RAB33B: variants seen among roughly 807,000 people sequenced by gnomAD.
RAB33B encodes the protein RAB33B, member RAS oncogene family, also known as ras-related protein Rab-33B.
A neutral mutation model predicts 15.0 loss-of-function variants in RAB33B; 6 were observed. The observed-to-expected ratio is 0.40, with a 90% CI of 0.22 to 0.79. The LOEUF (loss-of-function observed/expected upper bound fraction) is 0.79. Among genes scored for constraint, RAB33B ranks in the 30% least tolerant of loss-of-function variants. The pLI is 0.37. For synonymous variants in RAB33B, 117 were observed against 108.3 expected, an observed-to-expected ratio of 1.08 and a Z score of -0.50; for missense variants, 257 against 296.4, an observed-to-expected ratio of 0.87 and a Z score of 0.98.
the RAB33B span, among the ~76,000 whole-genome samples, chr4:139,441,148 C>T: frequency 6.6e-6 from 1 of 152,180 alleles, no homozygotes; most frequent in African/African-American, 2.4e-5. Context: ...TGTTCTATAG[C>T]AGCTGAGCAG....
chr4:139,462,329 A>G (rs1470230892), intron 1 of RAB33B, among the ~76,000 whole-genome samples: 1 of 152,192 alleles, frequency 6.6e-6, no homozygotes, highest in African/African-American at 2.4e-5. Context: ...CTGGGATTAC[A>G]GGCGTGAGCC....
Position 139,467,304 on chromosome 4 carries a change from G to A in RAB33B, c.250-5382G>A, listed in dbSNP as rs893250759. Among the ~76,000 whole-genome samples, 11 of 75,290 alleles carry A rather than the reference G, an allele frequency of 1.5e-4. No individual in the cohort carries two copies. In the East Asian group the frequency reaches 2.5e-3, roughly 17 times the overall value. 49.4% of individuals were successfully genotyped at this position (75,290 alleles called of 152,430 possible). On this transcript the variant is annotated intron_variant, in intron 1 of 1. Transcript: ENST00000305626. ...CACCTCTTTCCCCACCACGCCCCCC[G>A]CCGCTTTTTTTTTTTTTTTTTTTTT...
In RAB33B at chr4:139,454,445, G is replaced by A; in HGVS notation, c.249+1G>A. 6.2e-7 allele frequency: 1 copy of A among 1,606,770 alleles called. No individual in the cohort carries two copies. Among genetic ancestry groups the A allele is most frequent in the Admixed American group, 1.7e-5 (1 of 59,998 alleles). ...GGAGATTGATGGGGAGCGCATCAAG[G>A]TGAGCGGATGGGGAACTGTTGGGGA... On this transcript the variant is annotated splice_donor_variant, in intron 1 of 1. Transcript: ENST00000305626. LOFTEE classifies it high-confidence loss of function.
At chr4:139,456,033 GTC>G (rs1750062594) in intron 1 of RAB33B, among the ~76,000 whole-genome samples, 1 of 152,196 alleles carries the variant, frequency 6.6e-6, no homozygotes, top group Non-Finnish European at 1.5e-5. Context: ...ACCTCTCAGA[GTC>G]TGTATTTTTC....
intron 1 of RAB33B, among the ~76,000 whole-genome samples, chr4:139,462,645 T>G (rs1750195885): frequency 6.6e-6 from 1 of 152,206 alleles, no homozygotes; most frequent in African/African-American, 2.4e-5. Flanking sequence ...CTTTGCTTTT[T>G]GTATGTGGAG....
intron 1 of RAB33B, among the ~76,000 whole-genome samples, chr4:139,466,577 CTTTT>C (rs1750289408): frequency 2.6e-5 from 4 of 151,016 alleles, no homozygotes; most frequent in Admixed American, 1.3e-4. Flanking sequence ...CTTTTCTTTT[CTTTT>C]TTCTTTTTTT....
the RAB33B span, among the ~76,000 whole-genome samples, chr4:139,439,248 C>T: frequency 8.8e-3 from 1,339 of 152,310 alleles, 14 homozygotes; most frequent in African/African-American, 0.031. Flanking sequence ...GATCCGCCCG[C>T]CTCGGCCTCC....
At position 139,475,233 on chromosome 4, in the gene RAB33B, T is replaced by C. The variant is rs530459089; in HGVS notation, c.*2107T>C. On this transcript the variant is annotated 3_prime_UTR_variant, in exon 2 of 2. Coordinates refer to ENST00000305626, the MANE Select transcript of RAB33B (RefSeq NM_031296.3). ...CTATGATGGGTGTAACAACATTTTT[T>C]TAAAGAAGGGAATCTGTTTATCGCT... is the stretch of plus-strand genomic sequence containing the variant. 22 of 152,208 alleles carry C rather than the reference T, an allele frequency of 1.4e-4. No individual in the cohort carries two copies. Among genetic ancestry groups the C allele is most frequent in the African/African-American group, 5.1e-4 (21 of 41,580 alleles). 9.4% of individuals were successfully genotyped at this position (152,208 alleles called of 1,614,324 possible). A position where few individuals can be genotyped will look rare whatever the true frequency, so the allele number is the denominator to read the frequency against.
chr4:139,451,492 A>G (rs972989143), upstream of RAB33B: 1 of 149,190 alleles, frequency 6.7e-6, no homozygotes, highest in Non-Finnish European at 1.5e-5. Flanking sequence ...CTCCCACCTC[A>G]GCCTCCCGAG....
chr4:139,461,418 T>C (rs1477031920), intron 1 of RAB33B, among the ~76,000 whole-genome samples: 1 of 152,218 alleles, frequency 6.6e-6, no homozygotes, highest in Non-Finnish European at 1.5e-5. Flanking sequence ...TTTTGTGGCC[T>C]TGGGTGAATT....
At chr4:139,447,958 C>T in the RAB33B span, among the ~76,000 whole-genome samples, 8 of 150,938 alleles carry the variant, frequency 5.3e-5, no homozygotes, top group African/African-American at 1.5e-4. Flanking sequence ...TGAGCCACCG[C>T]GCCCGGCCCA....
chr4:139,465,011 T>G (rs1263513752), intron 1 of RAB33B, among the ~76,000 whole-genome samples: 1 of 152,206 alleles, frequency 6.6e-6, no homozygotes, highest in Non-Finnish European at 1.5e-5. Flanking sequence ...ACCAACAGTG[T>G]AAAAGTGTTC....
At chr4:139,453,242 G>C (rs1462971966), upstream of RAB33B, 1 of 152,228 alleles carries the variant, frequency 6.6e-6, no homozygotes. Flanking sequence ...GTGCTCTACT[G>C]TTTGGGCTGG....
At chr4:139,469,856 T>G (rs527946917) in intron 1 of RAB33B, among the ~76,000 whole-genome samples, 1 of 152,302 alleles carries the variant, frequency 6.6e-6, no homozygotes, top group African/African-American at 2.4e-5. Flanking sequence ...ACAGAGTCTC[T>G]CTTTGTCTCT....
At chr4:139,456,647 G>A (rs906653570) in intron 1 of RAB33B, among the ~76,000 whole-genome samples, 3 of 152,156 alleles carry the variant, frequency 2.0e-5, no homozygotes, top group Admixed American at 1.3e-4. Context: ...ACATTGATAT[G>A]GACTTGAATA....
At chr4:139,440,903 AC>A in the RAB33B span, among the ~76,000 whole-genome samples, 3 of 152,196 alleles carry the variant, frequency 2.0e-5, no homozygotes, top group East Asian at 5.8e-4. Context: ...GAGCCACTGC[AC>A]CCCACCTCTC....
the RAB33B span, among the ~76,000 whole-genome samples, chr4:139,441,656 CA>C: frequency 6.6e-6 from 1 of 152,326 alleles, no homozygotes; most frequent in South Asian, 2.1e-4. Flanking sequence ...ACACTTTTGA[CA>C]TATTATTTTT....
chr4:139,454,297 C>T lies in RAB33B; in HGVS notation c.102C>T (p.Phe34=), dbSNP rs367812678. The change falls in exon 1 of 2, where the codon TTC becomes TTT. Residue 34 remains phenylalanine (F), a synonymous_variant. Transcript: ENST00000305626. ...TGCCTCCTGCCCGCTCCCGCATCTT[C>T]AAGATAATCGTGATCGGCGACTCCA... is the stretch of plus-strand genomic sequence containing the variant. ...GFLPPARSRI[F]KIIVIGDSNV... 2.5e-6 allele frequency: 4 copies of T among 1,614,060 alleles called. No homozygotes were observed. The highest frequency in any genetic ancestry group is 1.7e-5 in the Admixed American group (1 of 60,008).
chr4:139,457,360 G>A (rs928188236), intron 1 of RAB33B, among the ~76,000 whole-genome samples: 1 of 152,096 alleles, frequency 6.6e-6, no homozygotes, highest in African/African-American at 2.4e-5. Flanking sequence ...CTCCTTCCTC[G>A]TGTGTATATC....
Sources: allele counts gnomAD v4.1 joint callset (sites outside exome capture counted in the v4.1 genomes callset), GRCh38; gene constraint gnomAD v4.1.1; transcripts MANE v1.5; gene names NCBI Gene and HGNC (gene_info 2026-07-23, HGNC 2026-07-21).